Variants in CMIP observed in about 807,000 individuals in gnomAD.
The protein encoded by CMIP is C-Maf-inducing protein.
CMIP carries 13 observed loss-of-function variants against 97.3 expected under a neutral mutation model. That is an observed-to-expected ratio of 0.13 (90% confidence interval 0.09 to 0.21). CMIP has a LOEUF of 0.21. Among genes scored for constraint, CMIP ranks in the 10% least tolerant of loss-of-function variants. CMIP has a pLI of 1.00. For missense variants in CMIP, 847 were observed against 1,024.9 expected (o/e 0.83, Z 2.37); for synonymous variants, 538 against 436.3 (o/e 1.23, Z -2.91).
chr16:81,581,241 T>A (rs952845703), intron 1 of CMIP, among the ~76,000 whole-genome samples: 13 of 152,226 alleles, frequency 8.5e-5, no homozygotes, highest in African/African-American at 3.1e-4. Flanking sequence ...GTGAGCATTC[T>A]TGTACAAGTG....
At chr16:81,639,124 C>T (rs887441564) in intron 3 of CMIP, among the ~76,000 whole-genome samples, 1 of 152,184 alleles carries the variant, frequency 6.6e-6, no homozygotes, top group African/African-American at 2.4e-5. Flanking sequence ...AATCCTGGTT[C>T]CTACAGGGCC....
intron 1 of CMIP, among the ~76,000 whole-genome samples, chr16:81,515,776 C>A (rs919280576): frequency 6.6e-6 from 1 of 152,186 alleles, no homozygotes; most frequent in Non-Finnish European, 1.5e-5. Context: ...GAGCCAATCT[C>A]TGTAGGTTCT....
rs766154277 is a variant in CMIP at position 81,670,137 on chromosome 16, C to G, written c.826-5C>G. 3.7e-6 allele frequency: 6 copies of G among 1,605,076 alleles called. No individual in the cohort carries two copies. The highest frequency in any genetic ancestry group is 5.1e-6 in the Non-Finnish European group (6 of 1,176,148). On this transcript the variant is annotated splice_polypyrimidine_tract_variant and splice_region_variant and intron_variant, in intron 7 of 20. Coordinates refer to ENST00000537098, the MANE Select transcript of CMIP (RefSeq NM_198390.3). Reference sequence around the variant, plus strand: ...CCCGACTCCTGTCCTCTGCTGTCTCCACAGGACTTTGGGAAGTGCCCGCGA... The same window carrying G: ...CCCGACTCCTGTCCTCTGCTGTCTCGACAGGACTTTGGGAAGTGCCCGCGA...
chr16:81,476,272 A>G (rs749657705), intron 1 of CMIP: 23 of 1,553,600 alleles, frequency 1.5e-5, no homozygotes, highest in Middle Eastern at 1.7e-4. Context: ...CTCATCTTCA[A>G]ATTTCTCCCC....
intron 3 of CMIP, among the ~76,000 whole-genome samples, chr16:81,628,547 C>G (rs2092105921): frequency 1.3e-5 from 2 of 152,198 alleles, no homozygotes. Flanking sequence ...GAGGTTAAAT[C>G]ACTCACTCAA....
chr16:81,476,130 T>G, intron 1 of CMIP: 5 of 966,662 alleles, frequency 5.2e-6, no homozygotes, highest in Non-Finnish European at 8.3e-6. Flanking sequence ...TCTTTCACCT[T>G]GCCGGAGACC....
intron 3 of CMIP, among the ~76,000 whole-genome samples, chr16:81,623,520 G>A (rs1225210704): frequency 2.0e-5 from 3 of 152,154 alleles, no homozygotes; most frequent in Admixed American, 6.5e-5. Flanking sequence ...CAGACACAGT[G>A]TTTCTCCTTG....
At chr16:81,548,814 C>G (rs905323639) in intron 1 of CMIP, among the ~76,000 whole-genome samples, 1 of 152,138 alleles carries the variant, frequency 6.6e-6, no homozygotes, top group Non-Finnish European at 1.5e-5. Context: ...CTGCTGCACT[C>G]CAGCCTGGGT....
At chr16:81,499,258 A>G (rs1477349878) in intron 1 of CMIP, among the ~76,000 whole-genome samples, 1 of 152,122 alleles carries the variant, frequency 6.6e-6, no homozygotes, top group East Asian at 1.9e-4. Context: ...ATGAGCACTC[A>G]ATCTCAAGGT....
intron 20 of CMIP, among the ~76,000 whole-genome samples, chr16:81,708,924 A>G (rs1032578376): frequency 5.3e-5 from 8 of 152,218 alleles, no homozygotes; most frequent in African/African-American, 1.9e-4. Flanking sequence ...ACATACGTGT[A>G]CATGTATCCA....
rs370186592 is a variant in CMIP at position 81,664,252 on chromosome 16, C to T, written c.745-17C>T. 5.7e-6 allele frequency: 9 copies of T among 1,585,640 alleles called. No homozygotes were observed. The highest frequency in any genetic ancestry group is 7.7e-6 in the Non-Finnish European group (9 of 1,166,424). ...CATTCTTAGGGCCGCAGTAACTGTA[C>T]CCCACTCTGTCCCCAGCACTGCAGA... On this transcript the variant is annotated splice_polypyrimidine_tract_variant and intron_variant, in intron 6 of 20. Coordinates refer to ENST00000537098, the MANE Select transcript of CMIP (RefSeq NM_198390.3).
At chr16:81,579,324 C>G (rs1237349085) in intron 1 of CMIP, among the ~76,000 whole-genome samples, 4 of 152,158 alleles carry the variant, frequency 2.6e-5, no homozygotes, top group African/African-American at 9.7e-5. Context: ...CACCTTTGTC[C>G]CTCTGACTGG....
chr16:81,500,978 T>G (rs1221985925), intron 1 of CMIP, among the ~76,000 whole-genome samples: 1 of 152,230 alleles, frequency 6.6e-6, no homozygotes, highest in East Asian at 1.9e-4. Flanking sequence ...GCAGGTGCCC[T>G]CTGCCAATTG....
intron 1 of CMIP, among the ~76,000 whole-genome samples, chr16:81,580,502 C>T (rs186483253): frequency 1.0e-4 from 15 of 149,016 alleles, no homozygotes; most frequent in African/African-American, 1.5e-4. Flanking sequence ...GGCGTGATCT[C>T]GGCTCACTGC....
chr16:81,448,148 G>A lies in CMIP; in HGVS notation c.300+2607G>A, dbSNP rs1377980937. ...CCTGAGCTCCCGATATTCCAAGTATGTTTCCTATAGAGTCATATCCTTACT... is the reference window on the plus strand; with the variant it reads ...CCTGAGCTCCCGATATTCCAAGTATATTTCCTATAGAGTCATATCCTTACT... On this transcript the variant is annotated intron_variant, in intron 1 of 20. Coordinates refer to ENST00000537098, the MANE Select transcript of CMIP (RefSeq NM_198390.3). Among the ~76,000 whole-genome samples, 5 of 152,186 alleles carry A rather than the reference G, an allele frequency of 3.3e-5. No homozygotes were observed. The East Asian group carries it at 9.6e-4, about 29-fold the overall frequency.
chr16:81,632,530 G>T (rs964533345), intron 3 of CMIP, among the ~76,000 whole-genome samples: 1 of 152,204 alleles, frequency 6.6e-6, no homozygotes, highest in Non-Finnish European at 1.5e-5. Context: ...TAAGGTGGAT[G>T]GAACTTTAGA....
Position 81,509,795 on chromosome 16 carries a change from C to T in CMIP, c.300+64254C>T, listed in dbSNP as rs190619602. Among the ~76,000 whole-genome samples the T allele has an allele frequency of 5.3e-5, 8 of 152,290 alleles. No homozygotes were observed. The East Asian group carries it at 1.5e-3, about 30-fold the overall frequency. ...TTGGGGCTGGGTCTTAACTGGGACCCAGACCCCTCAGCTTGCTGTCTTCCT... is the reference window on the plus strand; with the variant it reads ...TTGGGGCTGGGTCTTAACTGGGACCTAGACCCCTCAGCTTGCTGTCTTCCT... On this transcript the variant is annotated intron_variant, in intron 1 of 20. Transcript: ENST00000537098.
intron 1 of CMIP, among the ~76,000 whole-genome samples, chr16:81,559,126 A>G (rs1002702104): frequency 6.6e-6 from 1 of 152,030 alleles, no homozygotes; most frequent in Non-Finnish European, 1.5e-5. Context: ...TGGCCTCCAC[A>G]GGCCGGGCAT....
At chr16:81,673,541 AAAGC>A (rs1424847915) in intron 9 of CMIP, among the ~76,000 whole-genome samples, 2 of 151,608 alleles carry the variant, frequency 1.3e-5, no homozygotes, top group Non-Finnish European at 2.9e-5. Flanking sequence ...AATAAATAAG[AAAGC>A]AAGCAAGCAG....
Sources: gnomAD v4.1 joint callset for allele counts (sites outside exome capture counted in the v4.1 genomes callset) on GRCh38, gnomAD v4.1.1 for gene constraint, MANE v1.5 for transcripts, NCBI Gene and HGNC (gene_info 2026-07-23, HGNC 2026-07-21) for gene names.